The following PUDP variants were observed in gnomAD, a reference collection of about 807,000 sequenced individuals.
The protein encoded by PUDP is pseudouridine 5'-phosphatase.
A neutral mutation model predicts 9.4 loss-of-function variants in PUDP; 8 were observed. That is an observed-to-expected ratio of 0.85 (90% CI 0.50 to 1.53). The LOEUF is 1.53. Ranked by LOEUF, PUDP falls within the 40% of genes most tolerant of loss-of-function variation. The probability of loss-of-function intolerance (pLI) is 0.00; values close to 1 mark genes in which losing one functional copy is unlikely to be tolerated. For synonymous variants in PUDP, 99 were observed against 80.7 expected (o/e 1.23, Z -1.22); for missense variants, 188 against 189.7 (o/e 0.99, Z 0.05).
In PUDP at chrX:6,957,697, A is replaced by C. The variant is rs1189305759; in HGVS notation, c.*247+19436T>G. On this transcript the variant is annotated intron_variant and NMD_transcript_variant, in intron 3 of 3. Transcript: ENST00000655425. ...GGCTCGGGAACTAGGTAATAAGTAG[A>C]GGCGGAAAGAATTTGGAAGAGCAGG... 8.0e-5 allele frequency among the ~76,000 whole-genome samples: 9 copies of C among 112,564 alleles called. 1 individual carries two copies. The highest frequency in any genetic ancestry group is 3.7e-4 in the South Asian group (1 of 2,705).
intron 3 of PUDP, among the ~76,000 whole-genome samples, chrX:6,805,788 A>G (rs929499097): frequency 8.2e-5 from 9 of 110,238 alleles, no homozygotes; most frequent in African/African-American, 2.6e-4. Flanking sequence ...AAAGTACTGG[A>G]ATTACAGGCC....
intron 3 of PUDP, among the ~76,000 whole-genome samples, chrX:7,066,153 A>G (rs1930547131): frequency 8.9e-6 from 1 of 111,883 alleles, no homozygotes; most frequent in Non-Finnish European, 1.9e-5. Context: ...TTGCTATCAA[A>G]AAGACTCAGT....
Position 6,971,577 on chromosome X carries a change from C to T in PUDP, c.*247+5556G>A, listed in dbSNP as rs189744923. The stretch of plus-strand genomic sequence containing the variant: ...GACTACAGGCGCCCACCACCACGCC[C>T]GGCTAATTTTTTTTTTTTTTGTATT... On this transcript the variant is annotated intron_variant and NMD_transcript_variant, in intron 3 of 3. Transcript: ENST00000655425. Among the ~76,000 whole-genome samples, 514 of 89,633 alleles carry T rather than the reference C, an allele frequency of 5.7e-3. 1 individual carries two copies. Among genetic ancestry groups the T allele is most frequent in the African/African-American group, 0.018 (472 of 26,126 alleles). The allele number at this position is 89,633 out of a possible 115,157, so 77.8% of individuals were successfully genotyped here.
chrX:7,082,865 G>C (rs940593812), intron 2 of PUDP, among the ~76,000 whole-genome samples: 8 of 112,956 alleles, frequency 7.1e-5, no homozygotes, highest in Admixed American at 4.7e-4. Flanking sequence ...GTGTGACTGA[G>C]AGCAGTGGGT....
chrX:6,826,391 C>T (rs573926098), intron 3 of PUDP, among the ~76,000 whole-genome samples: 1 of 111,544 alleles, frequency 9.0e-6, no homozygotes, highest in South Asian at 3.7e-4. Flanking sequence ...TTAAGAAGGT[C>T]CTTATCTTAG....
intron 3 of PUDP, among the ~76,000 whole-genome samples, chrX:6,842,968 C>G (rs1224215910): frequency 2.7e-5 from 3 of 112,451 alleles, no homozygotes; most frequent in Non-Finnish European, 5.6e-5. Flanking sequence ...GATTTAAAAC[C>G]TCATGGGAGA....
intron 1 of PUDP, among the ~76,000 whole-genome samples, chrX:7,125,706 G>A (rs962126058): frequency 5.4e-5 from 6 of 111,919 alleles, no homozygotes; most frequent in Admixed American, 3.8e-4. Context: ...CGTGGCTGGG[G>A]AGGCCTCACA....
intron 1 of PUDP, among the ~76,000 whole-genome samples, chrX:6,994,315 A>T (rs182925714): frequency 8.9e-6 from 1 of 112,043 alleles, no homozygotes; most frequent in Non-Finnish European, 1.9e-5. Flanking sequence ...TGGGAGGCTG[A>T]GGTGGGAGGA....
At chrX:7,131,871 G>A (rs1010260627) in intron 1 of PUDP, among the ~76,000 whole-genome samples, 1 of 107,040 alleles carries the variant, frequency 9.3e-6, no homozygotes, top group Non-Finnish European at 1.9e-5. Flanking sequence ...GCCTCTCACC[G>A]AGTCCTCTTG....
rs957180129 is a variant in PUDP at position 7,122,219 on chromosome X, G to A, written c.62-16381C>T. Reference sequence around the variant, plus strand: ...CTCAAAAAAAAAAACCCATATATGTGTGTGTGTGTGTGTGTGTGTGTGTGT... The same window carrying A: ...CTCAAAAAAAAAAACCCATATATGTATGTGTGTGTGTGTGTGTGTGTGTGT... On this transcript the variant is annotated intron_variant, in intron 1 of 3. Transcript: ENST00000381077. 1.8e-3 allele frequency among the ~76,000 whole-genome samples: 46 copies of A among 25,298 alleles called. 1 individual carries two copies. The East Asian group carries it at 0.049, about 27-fold the overall frequency. The allele number at this position is 25,298 out of a possible 115,157, so 22.0% of individuals were successfully genotyped here. A position where few individuals can be genotyped will look rare whatever the true frequency, so the allele number is the denominator to read the frequency against.
intron 3 of PUDP, among the ~76,000 whole-genome samples, chrX:6,859,661 C>T (rs776124652): frequency 1.8e-4 from 20 of 110,957 alleles, no homozygotes; most frequent in South Asian, 3.9e-4. Flanking sequence ...TTGTTTTTTT[C>T]TGAGTTGTTT....
At chrX:6,713,136 T>C (rs780581040) in intron 1 of PUDP, among the ~76,000 whole-genome samples, 1 of 112,302 alleles carries the variant, frequency 8.9e-6, no homozygotes, top group Non-Finnish European at 1.9e-5. Context: ...TGGAATCCTG[T>C]CTTTTCATCT....
chrX:6,721,303 T>TGGG (rs2146655366), intron 1 of PUDP: 1 of 112,207 alleles, frequency 8.9e-6, no homozygotes, highest in Admixed American at 9.5e-5. Context: ...CAGAAAGCAA[T>TGGG]CTGCTCATGC....
At chrX:7,019,806 G>C (rs1429474031) in intron 1 of PUDP, among the ~76,000 whole-genome samples, 1 of 111,447 alleles carries the variant, frequency 9.0e-6, no homozygotes, top group Non-Finnish European at 1.9e-5. Flanking sequence ...ATATTTGTTT[G>C]ATTTTTCTCC....
rs776595146 is a variant in PUDP at position 6,832,954 on chromosome X, C to T, written c.*248-126488G>A. The stretch of plus-strand genomic sequence containing the variant: ...AATAATTTACTGTCATCTCAGACTG[C>T]CTGCTCATGTCACTCTCTCTCTCTC... On this transcript the variant is annotated intron_variant and NMD_transcript_variant, in intron 3 of 3. Coordinates refer to the PUDP transcript ENST00000655425. Among the ~76,000 whole-genome samples the T allele has an allele frequency of 7.0e-5, 7 of 100,584 alleles. No individual in the cohort carries two copies. The South Asian group carries it at 1.3e-3, about 19-fold the overall frequency. 87.3% of individuals were successfully genotyped at this position (100,584 alleles called of 115,157 possible). A position where few individuals can be genotyped will look rare whatever the true frequency, so the allele number is the denominator to read the frequency against.
intron 3 of PUDP, among the ~76,000 whole-genome samples, chrX:6,966,679 T>C (rs996329955): frequency 9.1e-6 from 1 of 109,975 alleles, no homozygotes; most frequent in Non-Finnish European, 1.9e-5. Context: ...TCCTGAGTCG[T>C]TGGGACTACA....
intron 3 of PUDP, among the ~76,000 whole-genome samples, chrX:6,798,275 C>T (rs1221450568): frequency 1.8e-5 from 2 of 111,555 alleles, no homozygotes; most frequent in African/African-American, 6.5e-5. Flanking sequence ...ACCATCAGAT[C>T]TCATGAGACT....
intron 3 of PUDP, among the ~76,000 whole-genome samples, chrX:6,900,326 T>TGG (rs55900364): frequency 0.11 from 8,636 of 81,006 alleles, 898 homozygotes; most frequent in Middle Eastern, 0.17. Flanking sequence ...TGTCACCACT[T>TGG]GGGGGGGGGG....
At chrX:6,892,554 C>G (rs1040403575) in intron 3 of PUDP, among the ~76,000 whole-genome samples, 6 of 110,429 alleles carry the variant, frequency 5.4e-5, no homozygotes, top group Non-Finnish European at 1.1e-4. Flanking sequence ...AGGAAAGACC[C>G]GTCCCCATGA....
Sources: allele counts gnomAD v4.1 joint callset (sites outside exome capture counted in the v4.1 genomes callset), GRCh38; gene constraint gnomAD v4.1.1; transcripts MANE v1.5; gene names NCBI Gene and HGNC (gene_info 2026-07-23, HGNC 2026-07-21).